The following TNKS variants were observed in gnomAD, a reference collection of about 807,000 sequenced individuals.
The protein encoded by TNKS is poly [ADP-ribose] polymerase tankyrase-1.
A neutral mutation model predicts 135.8 loss-of-function variants in TNKS; 72 were observed. The ratio of observed to expected loss-of-function variants is 0.53; its 90% CI spans 0.44 to 0.64. TNKS has a LOEUF of 0.64. TNKS is among the 30% of genes least tolerant of loss of function. The pLI is 0.00. For missense variants in TNKS, 1,769 were observed against 1,674.0 expected (o/e 1.06, Z -0.99); for synonymous variants, 849 against 649.3 (o/e 1.31, Z -4.68).
At chr8:9,728,662 A>G (rs2128816278) in intron 13 of TNKS, among the ~76,000 whole-genome samples, 1 of 152,252 alleles carries the variant, frequency 6.6e-6, no homozygotes, top group East Asian at 1.9e-4. Context: ...TTATGTATTT[A>G]TTCATTTTTT....
chr8:9,636,057 G>A (rs1020030898), intron 3 of TNKS, among the ~76,000 whole-genome samples: 4 of 152,158 alleles, frequency 2.6e-5, no homozygotes. Flanking sequence ...TTAAAAAATA[G>A]GCACTGAAGT....
chr8:9,611,634 G>A (rs935756754), intron 2 of TNKS, among the ~76,000 whole-genome samples: 10 of 152,204 alleles, frequency 6.6e-5, no homozygotes, highest in African/African-American at 2.4e-4. Flanking sequence ...ACACCACTTT[G>A]AGTACAGTGT....
At chr8:9,692,074 G>A (rs568455904) in intron 5 of TNKS, among the ~76,000 whole-genome samples, 23 of 151,964 alleles carry the variant, frequency 1.5e-4, no homozygotes, top group African/African-American at 4.8e-4. Flanking sequence ...TTTATTTTAG[G>A]TTCAGGAGTG....
At chr8:9,684,931 G>A (rs1802925719) in intron 5 of TNKS, among the ~76,000 whole-genome samples, 1 of 152,098 alleles carries the variant, frequency 6.6e-6, no homozygotes, top group African/African-American at 2.4e-5. Flanking sequence ...GTTATAAAGT[G>A]CTGATTTAAG....
At chr8:9,667,629 T>C (rs1802058686) in intron 3 of TNKS, among the ~76,000 whole-genome samples, 2 of 152,240 alleles carry the variant, frequency 1.3e-5, no homozygotes, top group African/African-American at 2.4e-5. Context: ...TAGTCTGTCA[T>C]TGATTTACAA....
In TNKS at chr8:9,777,372, A is replaced by G. The variant is rs1005742513; in HGVS notation, c.*636A>G. 1 of 152,392 alleles carries G rather than the reference A, an allele frequency of 6.6e-6. No individual in the cohort carries two copies. Among genetic ancestry groups the G allele is most frequent in the African/African-American group, 2.4e-5 (1 of 41,434 alleles). 9.4% of individuals were successfully genotyped at this position (152,392 alleles called of 1,614,324 possible). A position where few individuals can be genotyped will look rare whatever the true frequency, so the allele number is the denominator to read the frequency against. ...TTGCTCTGTAGCTGCACTTCTCGTTATCATAAATTGAGATGAAAAGGAAAA... is the reference window on the plus strand; with the variant it reads ...TTGCTCTGTAGCTGCACTTCTCGTTGTCATAAATTGAGATGAAAAGGAAAA... On this transcript the variant is annotated 3_prime_UTR_variant, in exon 27 of 27. Coordinates refer to ENST00000310430, the MANE Select transcript of TNKS (RefSeq NM_003747.3).
At chr8:9,742,402 A>G (rs551495343) in intron 17 of TNKS, among the ~76,000 whole-genome samples, 1 of 150,216 alleles carries the variant, frequency 6.7e-6, no homozygotes, top group Non-Finnish European at 1.5e-5. Context: ...TCCCTCAGCA[A>G]TCTCGCATGA....
At chr8:9,695,027 C>G (rs1303057799) in intron 5 of TNKS, among the ~76,000 whole-genome samples, 1 of 152,150 alleles carries the variant, frequency 6.6e-6, no homozygotes, top group Non-Finnish European at 1.5e-5. Context: ...ACCCAGCAGT[C>G]ATTTGTGAGA....
intron 3 of TNKS, among the ~76,000 whole-genome samples, chr8:9,621,867 T>G (rs188849498): frequency 6.6e-6 from 1 of 152,282 alleles, no homozygotes; most frequent in African/African-American, 2.4e-5. Context: ...TGAATTTTAT[T>G]AGGGGAAGTT....
intron 2 of TNKS, among the ~76,000 whole-genome samples, chr8:9,602,447 A>T (rs1424864076): frequency 6.6e-6 from 1 of 152,184 alleles, no homozygotes; most frequent in Admixed American, 6.5e-5. Flanking sequence ...GTGATGAGAT[A>T]CTGCCTCATG....
At chr8:9,762,063 T>C (rs1009730902) in intron 21 of TNKS, among the ~76,000 whole-genome samples, 1 of 152,246 alleles carries the variant, frequency 6.6e-6, no homozygotes, top group African/African-American at 2.4e-5. Flanking sequence ...ACCCCTGTAA[T>C]AGAATCCTGT....
rs1235342862 is a variant in TNKS, at chr8:9,735,449, G to A, written c.2606G>A (p.Gly869Asp). The A allele has an allele frequency of 3.7e-6, 6 of 1,614,062 alleles. No homozygotes were observed. The highest frequency in any genetic ancestry group is 2.2e-5 in the East Asian group (1 of 44,870). Residue 869 changes from glycine (G) to aspartate (D), a missense_variant, in exon 17 of 27, where the codon GGT (glycine) becomes GAT (aspartate). Physicochemically the swap from Gly to Asp is moderately conservative, Grantham distance 94. Transcript: ENST00000310430. Reference sequence around the variant, plus strand: ...GCTGATGTTAATGCCCAGGACAAGGGTGGTTTAATTCCTCTTCATAATGCG... The same window carrying A: ...GCTGATGTTAATGCCCAGGACAAGGATGGTTTAATTCCTCTTCATAATGCG... ...HGADVNAQDK[G>D]GLIPLHNAAS...
chr8:9,633,777 G>A (rs1364545394), intron 3 of TNKS, among the ~76,000 whole-genome samples: 1 of 152,124 alleles, frequency 6.6e-6, no homozygotes, highest in African/African-American at 2.4e-5. Context: ...GAAGTCTCTG[G>A]CCAGTAGCCA....
intron 14 of TNKS, among the ~76,000 whole-genome samples, chr8:9,732,068 G>GTGA (rs1261452452): frequency 6.6e-6 from 1 of 152,170 alleles, no homozygotes; most frequent in Non-Finnish European, 1.5e-5. Context: ...GATTACAGGC[G>GTGA]TGAGCCACTG....
At position 9,556,418 on chromosome 8, in the gene TNKS, G is replaced by A; in HGVS notation, c.479G>A (p.Ser160Asn). Residue 160 changes from serine to asparagine, a missense_variant, in exon 1 of 27, where the codon AGC (serine) becomes AAC (asparagine). Physicochemically the swap from Ser to Asn is conservative, Grantham distance 46. Around this residue, in one of 5 missense-constraint regions of TNKS, gnomAD observed 450 missense variants for 304.9 expected, o/e 1.48. Coordinates refer to ENST00000310430, the MANE Select transcript of TNKS (RefSeq NM_003747.3). ...LAESPEAAGVSSTAPLGPGAA... is the reference protein window; with the variant it reads ...LAESPEAAGVNSTAPLGPGAA... ...GAGAGCCCCGAGGCGGCCGGAGTTA[G>A]CAGCACAGCACCACTGGGGCCTGGG... 6.2e-7 allele frequency: 1 copy of A among 1,614,212 alleles called. No homozygotes were observed. The highest frequency in any genetic ancestry group is 1.6e-4 in the Middle Eastern group (1 of 6,062).
intron 1 of TNKS, among the ~76,000 whole-genome samples, chr8:9,563,730 T>G (rs1797423117): frequency 6.6e-6 from 1 of 152,248 alleles, no homozygotes. Context: ...TCTCGTATTC[T>G]CTTTTAGCTA....
intron 3 of TNKS, among the ~76,000 whole-genome samples, chr8:9,639,554 A>C (rs1800646450): frequency 6.7e-6 from 1 of 149,208 alleles, no homozygotes; most frequent in Non-Finnish European, 1.5e-5. Context: ...TTTCCTGAGT[A>C]GCTTTCAATC....
At chr8:9,726,581 A>C (rs562068681) in intron 12 of TNKS, 60 bp from the exon 13 acceptor site, 3 of 1,239,958 alleles carry the variant, frequency 2.4e-6, no homozygotes, top group African/African-American at 1.5e-5. Context: ...TCCAAAATCA[A>C]TGCAGTTGGA....
At position 9,583,927 on chromosome 8, in the gene TNKS, G is replaced by A. The variant is rs557321828; in HGVS notation, c.898+3544G>A. On this transcript the variant is annotated intron_variant, in intron 2 of 26. Coordinates refer to ENST00000310430, the MANE Select transcript of TNKS (RefSeq NM_003747.3). The stretch of plus-strand genomic sequence containing the variant: ...CTCCTGTAATCCCAGTACTTTGGGA[G>A]GCCGAGATGGGTGGATCACGAGGTC... 1.1e-4 allele frequency among the ~76,000 whole-genome samples: 17 copies of A among 151,820 alleles called. 2 individuals are homozygous for A. Among genetic ancestry groups the A allele is most frequent in the African/African-American group, 4.1e-4 (17 of 41,424 alleles).
Sources: gnomAD v4.1 joint callset for allele counts (sites outside exome capture counted in the v4.1 genomes callset) on GRCh38, gnomAD v4.1.1 for gene constraint, gnomAD v4.1.1 regional missense constraint, MANE v1.5 for transcripts, NCBI Gene and HGNC (gene_info 2026-07-23, HGNC 2026-07-21) for gene names.